ITGAX: variants seen among roughly 807,000 people sequenced by gnomAD.
The protein encoded by ITGAX is integrin subunit alpha X, also known as integrin alpha-X.
Under a neutral mutation model 140.2 loss-of-function variants are expected in ITGAX, and 99 were observed. That is an observed-to-expected ratio of 0.71 (90% CI 0.60 to 0.83). ITGAX has a LOEUF of 0.83. ITGAX is among the 40% of genes least tolerant of loss of function. The probability of loss-of-function intolerance (pLI) is 0.00; values close to 1 mark genes in which losing one functional copy is unlikely to be tolerated. For missense variants in ITGAX, 1,444 were observed against 1,482.0 expected, an observed-to-expected ratio of 0.97 and a Z score of 0.42; for synonymous variants, 631 against 600.4, an observed-to-expected ratio of 1.05 and a Z score of -0.75.
At chr16:31,363,481 C>T (rs2080860399) in intron 14 of ITGAX, 107 bp downstream of exon 14, 3 of 1,244,330 alleles carry the variant, frequency 2.4e-6, no homozygotes, top group Non-Finnish European at 3.5e-6. Flanking sequence ...CTCCCTTGCC[C>T]AGCTCTGAGC....
Position 31,371,640 on chromosome 16 carries a change from A to C in ITGAX, c.2016A>C (p.Gln672His). 2 of 1,614,044 alleles carry C rather than the reference A, an allele frequency of 1.2e-6. No individual in the cohort carries two copies. The highest frequency in any genetic ancestry group is 1.3e-5 in the African/African-American group (1 of 74,998). The change falls in exon 17 of 30, where the codon CAA becomes CAC. Residue 672 changes from glutamine (Q) to histidine (H), a missense_variant. Gln to His is a conservative substitution (Grantham distance 24, BLOSUM62 0). Transcript: ENST00000268296. Reference sequence around the variant, plus strand: ...TGCGACCGCCTACAGGTGACCTCCAAAGCTCTGTGACCTTGGACCTGGCCC... The same window carrying C: ...TGCGACCGCCTACAGGTGACCTCCACAGCTCTGTGACCTTGGACCTGGCCC... ...SKNLLGSRDL[Q>H]SSVTLDLALD...
In ITGAX at chr16:31,381,982, G is replaced by A. The variant is rs549858315; in HGVS notation, c.*75G>A. 104 of 1,477,606 alleles carry A rather than the reference G, an allele frequency of 7.0e-5. 1 individual carries two copies. Among genetic ancestry groups the A allele is most frequent in the Non-Finnish European group, 8.5e-5 (92 of 1,085,730 alleles). The allele number at this position is 1,477,606 out of a possible 1,614,324, so 91.5% of individuals were successfully genotyped here. On this transcript the variant is annotated 3_prime_UTR_variant, in exon 30 of 30. Coordinates refer to ENST00000268296, the MANE Select transcript of ITGAX (RefSeq NM_000887.5). Reference sequence around the variant, plus strand: ...CTTACCCTCACCTGTCAGGCCTGACGGGGAGGAACCACTGCACCACCGAGA... The same window carrying A: ...CTTACCCTCACCTGTCAGGCCTGACAGGGAGGAACCACTGCACCACCGAGA...
chr16:31,363,532 C>T (rs776771377), intron 14 of ITGAX, among the ~76,000 whole-genome samples, 158 bp downstream of exon 14: 19 of 152,322 alleles, frequency 1.2e-4, no homozygotes, highest in Non-Finnish European at 1.5e-4. Flanking sequence ...CTGCAACCTC[C>T]GCCTCCCAGG....
chr16:31,377,082 GAGCCGGGCCAGGCCAGGGGC>G lies in ITGAX; in HGVS notation c.2705+6_2705+25del. 6.2e-7 allele frequency: 1 copy of G among 1,614,146 alleles called. No homozygotes were observed. The highest frequency in any genetic ancestry group is 1.1e-5 in the South Asian group (1 of 91,090). On this transcript the variant is annotated splice_donor_5th_base_variant and intron_variant, in intron 22 of 29. Transcript: ENST00000268296. ...CTTCTGACAGCCAATGTGAGCAGGT[GAGCCGGGCCAGGCCAGGGGC>G]AGTGCCCCTCATCTCCAGCCTCACA... is the stretch of plus-strand genomic sequence containing the variant.
At chr16:31,360,134 C>A in intron 7 of ITGAX, 69 bp downstream of exon 7, 1 of 1,586,126 alleles carries the variant, frequency 6.3e-7, no homozygotes, top group Non-Finnish European at 8.6e-7. Context: ...CATCTGTCTC[C>A]ACGAGAAGGG....
At chr16:31,361,649 T>A in intron 9 of ITGAX, 187 bp from the exon 10 acceptor site, 1 of 757,630 alleles carries the variant, frequency 1.3e-6, no homozygotes, top group Non-Finnish European at 2.3e-6. Context: ...GCCATCGCTG[T>A]CCACATCCAT....
At chr16:31,377,338 T>G in intron 23 of ITGAX, 73 bp downstream of exon 23, 109 of 1,104,632 alleles carry the variant, frequency 9.9e-5, no homozygotes, top group Non-Finnish European at 1.2e-4. Context: ...AAAAAGGCCT[T>G]GAAACGCTGC....
At chr16:31,371,921 A>T (rs1472756190) in intron 17 of ITGAX, 137 bp downstream of exon 17, 3 of 1,021,222 alleles carry the variant, frequency 2.9e-6, no homozygotes, top group Non-Finnish European at 4.2e-6. Flanking sequence ...TGCTTACTGC[A>T]CGTTAGCCAG....
intron 14 of ITGAX, among the ~76,000 whole-genome samples, chr16:31,370,540 G>A (rs2080944693): frequency 6.6e-6 from 1 of 152,162 alleles, no homozygotes; most frequent in Non-Finnish European, 1.5e-5. Context: ...GCCTCTTAAA[G>A]GCTACCTGGG....
chr16:31,377,313 C>CAAAAA, intron 23 of ITGAX, 48 bp downstream of exon 23: 1 of 976,062 alleles, frequency 1.0e-6, no homozygotes, highest in African/African-American at 2.6e-5. Flanking sequence ...TCTCTGACCT[C>CAAAAA]AAAAAGAAAA....
In ITGAX at chr16:31,372,440, G is replaced by A. The variant is rs2080977409; in HGVS notation, c.2223G>A (p.Lys741=). The A allele has an allele frequency of 2.5e-6, 4 of 1,608,896 alleles. No homozygotes were observed. The highest frequency in any genetic ancestry group is 3.4e-6 in the Non-Finnish European group (4 of 1,178,682). ...TLRLNFTLVG[K]PLLAFRNLRP... ...GTCTGAACTTCACGCTGGTGGGCAA[G>A]CCCCTCCTTGCCTTCAGAAACCTGC... The change falls in exon 18 of 30, where the codon AAG becomes AAA. Residue 741 remains lysine (K), a synonymous_variant. Coordinates refer to ENST00000268296, the MANE Select transcript of ITGAX (RefSeq NM_000887.5).
Position 31,372,388 on chromosome 16 carries a change from A to C in ITGAX, c.2171A>C (p.Glu724Ala). The C allele has an allele frequency of 6.2e-7, 1 of 1,606,184 alleles. No homozygotes were observed. Among genetic ancestry groups the C allele is most frequent in the Non-Finnish European group, 8.5e-7 (1 of 1,177,964 alleles). The part of the protein sequence containing the change: ...NFNLLLPSCV[E>A]DSVTPITLRL... ...ACGCCCGTCCCCCAGAGCTGCGTGG[A>C]GGACTCTGTGACCCCCATTACCTTG... The change falls in exon 18 of 30, where the codon GAG (glutamate) becomes GCG (alanine). Residue 724 changes from glutamate (E) to alanine (A), a missense_variant. Coordinates refer to ENST00000268296, the MANE Select transcript of ITGAX (RefSeq NM_000887.5).
chr16:31,361,026 T>G, intron 8 of ITGAX, 37 bp from the exon 9 acceptor site: 1 of 1,602,466 alleles, frequency 6.2e-7, no homozygotes, highest in Non-Finnish European at 8.5e-7. Context: ...CACATTTGAT[T>G]TATTATTTTT....
intron 5 of ITGAX, among the ~76,000 whole-genome samples, chr16:31,358,994 A>G (rs1251691523): frequency 6.6e-6 from 1 of 150,904 alleles, no homozygotes; most frequent in Non-Finnish European, 1.5e-5. Context: ...ATTTTTAACA[A>G]TTTTTAGTAG....
rs376361398 is a variant in ITGAX at position 31,372,518 on chromosome 16, T to C, written c.2292+9T>C. Reference sequence around the variant, plus strand: ...GATACTTCACGGCCTCCGTGAGTCCTGGCACTGGGTCTCCCAGAGAGGGTG... The same window carrying C: ...GATACTTCACGGCCTCCGTGAGTCCCGGCACTGGGTCTCCCAGAGAGGGTG... On this transcript the variant is annotated intron_variant, in intron 18 of 29. Coordinates refer to ENST00000268296, the MANE Select transcript of ITGAX (RefSeq NM_000887.5). The C allele has an allele frequency of 1.2e-6, 2 of 1,610,958 alleles. No individual in the cohort carries two copies. The highest frequency in any genetic ancestry group is 1.7e-6 in the Non-Finnish European group (2 of 1,179,018).
In ITGAX at chr16:31,379,870, C is replaced by T. The variant is rs1177702490; in HGVS notation, c.2976+6C>T. On this transcript the variant is annotated splice_donor_region_variant and intron_variant, in intron 25 of 29. Transcript: ENST00000268296. ...TGGAGGTCTCCCACCCCCAGGTACC[C>T]AAGGACTGCATGTGGCTCCTCCACG... The T allele has an allele frequency of 6.2e-7, 1 of 1,613,506 alleles. No individual in the cohort carries two copies. The highest frequency in any genetic ancestry group is 1.1e-5 in the South Asian group (1 of 91,038).
At chr16:31,364,426 C>CAAAAAAA (rs56776715) in intron 14 of ITGAX, among the ~76,000 whole-genome samples, 2 of 42,434 alleles carry the variant, frequency 4.7e-5, no homozygotes, top group Non-Finnish European at 1.1e-4. Flanking sequence ...AATCCCGTGT[C>CAAAAAAA]AAAAAAAAAA....
rs1373667229 is a variant in ITGAX, at chr16:31,382,545, T to C, written c.*638T>C. 9 of 1,028,744 alleles carry C rather than the reference T, an allele frequency of 8.7e-6. No homozygotes were observed. Among genetic ancestry groups the C allele is most frequent in the Non-Finnish European group, 1.2e-5 (8 of 683,568 alleles). The allele number at this position is 1,028,744 out of a possible 1,614,324, so 63.7% of individuals were successfully genotyped here. A position where few individuals can be genotyped will look rare whatever the true frequency, so the allele number is the denominator to read the frequency against. On this transcript the variant is annotated 3_prime_UTR_variant, in exon 30 of 30. Transcript: ENST00000268296. ...TCCCCTTCCATCCCAGAGGGTGGGCTTCAGGGCGCACAGCATGAGAGGCTC... is the reference window on the plus strand; with the variant it reads ...TCCCCTTCCATCCCAGAGGGTGGGCCTCAGGGCGCACAGCATGAGAGGCTC...
intron 11 of ITGAX, 151 bp from the exon 12 acceptor site, chr16:31,362,460 G>C (rs1180555008): frequency 7.6e-6 from 9 of 1,190,164 alleles, no homozygotes; most frequent in Non-Finnish European, 1.0e-5. Context: ...GTGGGTTCCA[G>C]GGTTCTGGGG....
Sources: allele counts gnomAD v4.1 joint callset (sites outside exome capture counted in the v4.1 genomes callset), GRCh38; gene constraint gnomAD v4.1.1; transcripts MANE v1.5; gene names NCBI Gene and HGNC (gene_info 2026-07-23, HGNC 2026-07-21).